NPIPB2: variants seen among roughly 807,000 people sequenced by gnomAD.
NPIPB2 encodes the protein nuclear pore complex-interacting protein family member B2.
NPIPB2 carries 27 observed loss-of-function variants against 30.8 expected under a neutral mutation model. The ratio of observed to expected loss-of-function variants is 0.88; its 90% confidence interval spans 0.65 to 1.21. The LOEUF is 1.21. Ranked by LOEUF, NPIPB2 falls within the 50% of genes most tolerant of loss-of-function variation. The pLI, the probability that NPIPB2 is intolerant of heterozygous loss-of-function variation, is 0.00. For synonymous variants in NPIPB2, 147 were observed against 162.0 expected (o/e 0.91, Z 0.70); for missense variants, 440 against 446.2 (o/e 0.99, Z 0.13).
In NPIPB2 at chr16:11,951,666, A is replaced by ACACACACACACACCCC. The variant is rs1226047972; in HGVS notation, c.-583-9553_-583-9552insGGGGTGTGTGTGTGTG. Reference sequence around the variant, plus strand: ...CACACACACACACACACACACACACACCCAGCCCCCAAACAACAAAATTCA... The same window carrying ACACACACACACACCCC: ...CACACACACACACACACACACACACACACACACACACACCCCCCCAGCCCCCAAACAACAAAATTCA... On this transcript the variant is annotated intron_variant, in intron 1 of 5. Transcript: ENST00000538896. 2.2e-3 allele frequency among the ~76,000 whole-genome samples: 304 copies of ACACACACACACACCCC among 138,910 alleles called. 3 individuals are homozygous for ACACACACACACACCCC. Among genetic ancestry groups the ACACACACACACACCCC allele is most frequent in the South Asian group, 0.011 (44 of 3,882 alleles). 91.1% of individuals were successfully genotyped at this position (138,910 alleles called of 152,430 possible).
At chr16:11,927,986 C>T in intron 7 of NPIPB2, 107 bp from the exon 8 acceptor site, 1 of 655,860 alleles carries the variant, frequency 1.5e-6, no homozygotes, top group East Asian at 2.8e-5. Flanking sequence ...GATTTTTGCA[C>T]CTTTCCATCC....
At chr16:11,954,133 T>C (rs866795449) in intron 1 of NPIPB2, among the ~76,000 whole-genome samples, 1 of 152,166 alleles carries the variant, frequency 6.6e-6, no homozygotes, top group African/African-American at 2.4e-5. Context: ...CTCTTTCTAG[T>C]AATCTGCTTT....
upstream of NPIPB2, among the ~76,000 whole-genome samples, chr16:11,947,040 T>TTTTATA (rs1555509039): frequency 2.1e-4 from 29 of 139,812 alleles, no homozygotes; most frequent in Admixed American, 1.0e-3. Context: ...ACTATTTGAA[T>TTTTATA]TATATATATA....
rs146552207 is a variant in NPIPB2 at position 11,971,205 on chromosome 16, T to C, written c.-584+5363A>G. ...ACATTGTTGTGTGCTAGGTCAGTCATGTTAAAGAAAAGGGTCAAACTCTAA... is the reference window on the plus strand; with the variant it reads ...ACATTGTTGTGTGCTAGGTCAGTCACGTTAAAGAAAAGGGTCAAACTCTAA... On this transcript the variant is annotated intron_variant, in intron 1 of 5. Transcript: ENST00000538896. Among the ~76,000 whole-genome samples, 874 of 152,234 alleles carry C rather than the reference T, an allele frequency of 5.7e-3. 13 individuals are homozygous for C. The highest frequency in any genetic ancestry group is 0.02 in the African/African-American group (824 of 41,546).
At chr16:11,927,462 G>C (rs530406082) in exon 8 of NPIPB2, 2 of 1,175,202 alleles carry the variant, frequency 1.7e-6, no homozygotes, top group African/African-American at 5.2e-5. Flanking sequence ...GCGGCCCTCC[G>C]CCTCTTGGGT....
intron 1 of NPIPB2, among the ~76,000 whole-genome samples, chr16:11,970,344 C>T (rs549570487): frequency 2.0e-5 from 3 of 152,254 alleles, no homozygotes; most frequent in South Asian, 2.1e-4. Flanking sequence ...TCCTGAGTAG[C>T]TGGGACTACA....
intron 1 of NPIPB2, chr16:11,965,163 G>A (rs1426372742): frequency 1.2e-6 from 1 of 813,448 alleles, no homozygotes; most frequent in Non-Finnish European, 2.0e-6. Context: ...TAGCTGCCGC[G>A]AAGACACAGA....
chr16:11,975,052 G>A (rs1411999192), intron 1 of NPIPB2, among the ~76,000 whole-genome samples: 7 of 149,866 alleles, frequency 4.7e-5, no homozygotes, highest in Admixed American at 4.0e-4. Context: ...TCCAGCCTGG[G>A]CGACAGAGCG....
At chr16:11,931,370 C>T (rs1345934411) in intron 4 of NPIPB2, among the ~76,000 whole-genome samples, 2 of 142,882 alleles carry the variant, frequency 1.4e-5, no homozygotes, top group African/African-American at 5.3e-5. Flanking sequence ...GATTCATGGT[C>T]CTGATCCTAA....
chr16:11,931,856 A>T (rs1476486263), intron 4 of NPIPB2, among the ~76,000 whole-genome samples: 3 of 152,172 alleles, frequency 2.0e-5, no homozygotes, highest in Middle Eastern at 3.2e-3. Flanking sequence ...ATGGAGAAGA[A>T]GGAAACCCAG....
intron 2 of NPIPB2, among the ~76,000 whole-genome samples, chr16:11,934,596 C>T (rs426157): frequency 0.81 from 117,620 of 145,880 alleles, 47,584 homozygotes; most frequent in Non-Finnish European, 0.85. Flanking sequence ...TGCGGTAGCT[C>T]ACGCCTGTAA....
rs778498539 is a variant in NPIPB2 at position 11,967,540 on chromosome 16, G to A, written c.-584+9028C>T. The A allele has an allele frequency of 6.9e-6, 11 of 1,596,848 alleles. No individual in the cohort carries two copies. The East Asian group carries it at 1.1e-4, about 16-fold the overall frequency. On this transcript the variant is annotated intron_variant, in intron 1 of 5. Coordinates refer to the NPIPB2 transcript ENST00000538896. The stretch of plus-strand genomic sequence containing the variant: ...CATGACCACATTCTCTGTGAAGTTT[G>A]GGTTAATGTTTCCGTTTCTACATAA...
intron 1 of NPIPB2, among the ~76,000 whole-genome samples, chr16:11,969,528 T>C (rs2055222163): frequency 6.6e-6 from 1 of 152,214 alleles, no homozygotes; most frequent in South Asian, 2.1e-4. Context: ...GTGCTGGGAT[T>C]ACAGGCGTGA....
chr16:11,943,997 C>CAAAA (rs398070768), upstream of NPIPB2, among the ~76,000 whole-genome samples: 2 of 50,348 alleles, frequency 4.0e-5, 1 homozygote, highest in Non-Finnish European at 6.6e-5. Context: ...GACTCTGTCT[C>CAAAA]AAAAAAAAAA....
chr16:11,964,251 T>C (rs2055176114), intron 1 of NPIPB2, among the ~76,000 whole-genome samples: 1 of 152,058 alleles, frequency 6.6e-6, no homozygotes, highest in Non-Finnish European at 1.5e-5. Context: ...CATCTGTATT[T>C]CTAAATTTTC....
rs982670118 is a variant in NPIPB2 at position 11,941,842 on chromosome 16, T to C, written c.63+141A>G. The C allele has an allele frequency of 6.4e-5, 73 of 1,133,190 alleles. No homozygotes were observed. In the Middle Eastern group the frequency reaches 8.3e-4, roughly 13 times the overall value. 70.2% of individuals were successfully genotyped at this position (1,133,190 alleles called of 1,614,324 possible). A position where few individuals can be genotyped will look rare whatever the true frequency, so the allele number is the denominator to read the frequency against. On this transcript the variant is annotated intron_variant, in intron 1 of 7. Coordinates refer to ENST00000399147, the Ensembl canonical transcript of NPIPB2. ...CTCTCTGGAACCTTCACAAACCTGATTTCTGGTCCTCCCCAACCAGCTCCC... is the reference window on the plus strand; with the variant it reads ...CTCTCTGGAACCTTCACAAACCTGACTTCTGGTCCTCCCCAACCAGCTCCC...
intron 2 of NPIPB2, among the ~76,000 whole-genome samples, chr16:11,934,752 G>C (rs1012166205): frequency 1.7e-4 from 25 of 144,344 alleles, no homozygotes; most frequent in South Asian, 4.6e-4. Flanking sequence ...CCAGCTACTT[G>C]GGAGGCTGAG....
intron 1 of NPIPB2, among the ~76,000 whole-genome samples, chr16:11,947,226 G>A (rs899151574): frequency 1.4e-5 from 2 of 147,078 alleles, no homozygotes; most frequent in Admixed American, 6.8e-5. Flanking sequence ...ACTGCTGGAA[G>A]GTGTGAGCCA....
chr16:11,950,308 T>A (rs147933751), intron 1 of NPIPB2, among the ~76,000 whole-genome samples: 3 of 152,238 alleles, frequency 2.0e-5, no homozygotes, highest in African/African-American at 7.2e-5. Context: ...GGTGCTGGGA[T>A]TACAGGCATG....
Sources: gnomAD v4.1 joint callset for allele counts (sites outside exome capture counted in the v4.1 genomes callset) on GRCh38, gnomAD v4.1.1 for gene constraint, MANE v1.5 for transcripts, NCBI Gene and HGNC (gene_info 2026-07-23, HGNC 2026-07-21) for gene names.